Variants in RBM27 observed in about 807,000 individuals in gnomAD.
RBM27 encodes RNA-binding protein 27.
A neutral mutation model predicts 135.3 loss-of-function variants in RBM27; 22 were observed. That is an observed-to-expected ratio of 0.16 (90% CI 0.12 to 0.23). The LOEUF (loss-of-function observed/expected upper bound fraction) is 0.23, where lower values mean the gene tolerates loss of function less well. Among genes scored for constraint, RBM27 ranks in the 10% least tolerant of loss-of-function variants. RBM27 has a pLI of 1.00. For synonymous variants in RBM27, 481 were observed against 442.4 expected, an observed-to-expected ratio of 1.09 and a Z score of -1.10; for missense variants, 1,009 against 1,281.0, an observed-to-expected ratio of 0.79 and a Z score of 3.24.
rs2126883921 is a variant in RBM27 at position 146,271,001 on chromosome 5, G to A, written c.2739G>A (p.Leu913=). The change falls in exon 18 of 21, where the codon CTG becomes CTA. Residue 913 remains leucine, a synonymous_variant. Transcript: ENST00000265271. ...LDTELDLHKR[L]SSGEDTTELR... Reference sequence around the variant, plus strand: ...CTGAACTGGACCTCCACAAGAGGCTGTCCTCAGGAGAAGACACCACAGAAT... The same window carrying A: ...CTGAACTGGACCTCCACAAGAGGCTATCCTCAGGAGAAGACACCACAGAAT... 2 of 1,613,712 alleles carry A rather than the reference G, an allele frequency of 1.2e-6. No homozygotes were observed. The highest frequency in any genetic ancestry group is 2.2e-5 in the East Asian group (1 of 44,864).
chr5:146,231,792 A>G (rs1040763886), intron 6 of RBM27, among the ~76,000 whole-genome samples: 1 of 150,610 alleles, frequency 6.6e-6, no homozygotes, highest in Admixed American at 6.6e-5. Flanking sequence ...TAATTTTTGT[A>G]TTAGTAGAGA....
chr5:146,259,862 A>G (rs1488574947), intron 11 of RBM27, among the ~76,000 whole-genome samples: 2 of 149,994 alleles, frequency 1.3e-5, no homozygotes, highest in African/African-American at 2.5e-5. Flanking sequence ...AGTCCCAGCT[A>G]CTCGGGAGGC....
At chr5:146,264,564 A>G (rs950227153) in intron 14 of RBM27, among the ~76,000 whole-genome samples, 23 of 151,934 alleles carry the variant, frequency 1.5e-4, no homozygotes, top group Non-Finnish European at 2.5e-4. Flanking sequence ...ATAGTAAAAA[A>G]CCAAACTTTG....
intron 13 of RBM27, 43 bp from the exon 14 acceptor site, chr5:146,263,447 GT>G: frequency 6.4e-7 from 1 of 1,570,132 alleles, no homozygotes; most frequent in Non-Finnish European, 8.7e-7. Context: ...TTCTAGGCAT[GT>G]TTTTAAACTT....
rs1373507084 is a variant in RBM27 at position 146,206,305 on chromosome 5, T to G, written c.59+2481T>G. On this transcript the variant is annotated intron_variant, in intron 1 of 20. Coordinates refer to ENST00000265271, the MANE Select transcript of RBM27 (RefSeq NM_018989.2). ...CTGAGTAGTGCTTTTCGTTTTTTGT[T>G]TTTTTTTTTTTCCCCTTAATGTTGA... is the stretch of plus-strand genomic sequence containing the variant. 4.8e-3 allele frequency among the ~76,000 whole-genome samples: 693 copies of G among 143,026 alleles called. 6 individuals carry two copies. Among genetic ancestry groups the G allele is most frequent in the African/African-American group, 0.019 (659 of 35,166 alleles). The allele number at this position is 143,026 out of a possible 152,430, so 93.8% of individuals were successfully genotyped here.
rs369868539 is a variant in RBM27, at chr5:146,238,083, A to T, written c.1279+651A>T. Among the ~76,000 whole-genome samples, 210 of 152,342 alleles carry T rather than the reference A, an allele frequency of 1.4e-3. 1 individual carries two copies. The highest frequency in any genetic ancestry group is 0.014 in the Middle Eastern group (4 of 294). On this transcript the variant is annotated intron_variant, in intron 8 of 20. Transcript: ENST00000265271. ...TCTAAAGCATAAGATGTATCTCCTAAGAAGTATACAAAAGAGCGGGTTAAT... is the reference window on the plus strand; with the variant it reads ...TCTAAAGCATAAGATGTATCTCCTATGAAGTATACAAAAGAGCGGGTTAAT...
chr5:146,254,936 C>T lies in RBM27; in HGVS notation c.1445-7C>T. On this transcript the variant is annotated splice_region_variant and splice_polypyrimidine_tract_variant and intron_variant, in intron 9 of 20. Transcript: ENST00000265271. ...GTTGTGTGTTTTGTTGCTTTGTTTT[C>T]CCTCAGATACATATGAACCAGATGG... 8 of 1,550,584 alleles carry T rather than the reference C, an allele frequency of 5.2e-6. No homozygotes were observed. The highest frequency in any genetic ancestry group is 7.0e-6 in the Non-Finnish European group (8 of 1,140,758).
rs537919278 is a variant in RBM27, at chr5:146,263,569, G to C, written c.2269G>C (p.Gly757Arg). 1.2e-6 allele frequency: 2 copies of C among 1,614,134 alleles called. No individual in the cohort carries two copies. Among genetic ancestry groups the C allele is most frequent in the East Asian group, 4.5e-5 (2 of 44,876 alleles). Residue 757 changes from glycine (G) to arginine (R), a missense_variant, in exon 14 of 21, where the codon GGT becomes CGT. This residue lies in a region of RBM27 where 355 missense variants were observed against 427.3 expected (regional missense o/e 0.83). Transcript: ENST00000265271. The stretch of plus-strand genomic sequence containing the variant: ...TAAACATCGTCTTGGACATGCAGGT[G>C]GTAACCAGAGTGATGCATCACATTT... ...PVKHRLGHAG[G>R]NQSDASHLLN...
At chr5:146,275,271 T>A (rs541068221) in intron 19 of RBM27, among the ~76,000 whole-genome samples, 131 of 152,008 alleles carry the variant, frequency 8.6e-4, no homozygotes, top group African/African-American at 2.9e-3. Flanking sequence ...AATTTTTTTT[T>A]ATTTTTTATT....
chr5:146,250,703 C>T (rs1238362666), intron 8 of RBM27, among the ~76,000 whole-genome samples: 2 of 143,484 alleles, frequency 1.4e-5, no homozygotes, highest in African/African-American at 2.6e-5. Flanking sequence ...AAAAGTGCTT[C>T]TTAATATCCA....
Position 146,218,949 on chromosome 5 carries a change from T to G in RBM27, c.60-36T>G. ...TAACACTACTGTTTGATAAAAAGTG[T>G]TTTTTAAAATTTTTGTTTTCTCTTT... On this transcript the variant is annotated intron_variant, in intron 1 of 20. Transcript: ENST00000265271. 1.4e-6 allele frequency: 2 copies of G among 1,387,282 alleles called. 1 individual carries two copies. The highest frequency in any genetic ancestry group is 2.5e-5 in the South Asian group (2 of 79,360). The allele number at this position is 1,387,282 out of a possible 1,614,324, so 85.9% of individuals were successfully genotyped here.
chr5:146,226,810 C>T (rs148336301), intron 3 of RBM27, among the ~76,000 whole-genome samples: 240 of 151,756 alleles, frequency 1.6e-3, no homozygotes, highest in African/African-American at 5.5e-3. Flanking sequence ...AGAGCTACCC[C>T]CAACTGACAG....
intron 8 of RBM27, among the ~76,000 whole-genome samples, chr5:146,243,729 A>G (rs1399517516): frequency 6.6e-6 from 1 of 152,248 alleles, no homozygotes; most frequent in African/African-American, 2.4e-5. Context: ...AGTTTAAATT[A>G]TGGATATTTT....
intron 12 of RBM27, 94 bp downstream of exon 12, chr5:146,260,992 A>C: frequency 8.1e-7 from 1 of 1,234,040 alleles, no homozygotes; most frequent in Non-Finnish European, 1.1e-6. Context: ...GTCAGTGGTT[A>C]TTCTGATCAT....
In RBM27 at chr5:146,263,528, T is replaced by A. The variant is rs765025904; in HGVS notation, c.2228T>A (p.Leu743His). 5.0e-6 allele frequency: 8 copies of A among 1,614,082 alleles called. No individual in the cohort carries two copies. The Admixed American group carries it at 8.3e-5, about 17-fold the overall frequency. ...SKPQTSGAYV[L>H]NKVPVKHRLG... The stretch of plus-strand genomic sequence containing the variant: ...CCACAGACATCAGGTGCATATGTTC[T>A]TAACAAAGTTCCTGTTAAACATCGT... The change falls in exon 14 of 21, where the codon CTT becomes CAT. Residue 743 changes from leucine (L) to histidine (H), a missense_variant. Physicochemically the swap from Leu to His is moderately conservative, Grantham distance 99. Transcript: ENST00000265271.
chr5:146,267,814 G>C, intron 15 of RBM27, 46 bp downstream of exon 15: 1 of 1,574,810 alleles, frequency 6.3e-7, no homozygotes, highest in Non-Finnish European at 8.6e-7. Context: ...AAGATGCCTT[G>C]AATTTTTAAG....
intron 1 of RBM27, among the ~76,000 whole-genome samples, chr5:146,207,658 C>CTTTTTTTT (rs1224104910): frequency 7.8e-6 from 1 of 128,982 alleles, no homozygotes; most frequent in Non-Finnish European, 1.7e-5. Flanking sequence ...GGAGATATTT[C>CTTTTTTTT]TTTTTTTTTT....
intron 14 of RBM27, among the ~76,000 whole-genome samples, chr5:146,266,847 T>C (rs1313007260): frequency 1.3e-5 from 2 of 152,238 alleles, no homozygotes; most frequent in East Asian, 1.9e-4. Flanking sequence ...TGAGGTGGGA[T>C]TGAGCCCAAG....
chr5:146,237,194 C>T (rs1283832176), intron 7 of RBM27, 104 bp from the exon 8 acceptor site: 2 of 1,399,934 alleles, frequency 1.4e-6, no homozygotes, highest in Non-Finnish European at 2.0e-6. Flanking sequence ...CTGTCTTGGC[C>T]TCCCACAGTT....
Sources: allele counts gnomAD v4.1 joint callset (sites outside exome capture counted in the v4.1 genomes callset), GRCh38; gene constraint gnomAD v4.1.1; regional missense constraint gnomAD v4.1.1; transcripts MANE v1.5; gene names NCBI Gene and HGNC (gene_info 2026-07-23, HGNC 2026-07-21).